LCLAT1: variants seen among roughly 807,000 people sequenced by gnomAD.
The protein encoded by LCLAT1 is 1-AGP acyltransferase 8.
Under a neutral mutation model 30.7 loss-of-function variants are expected in LCLAT1, and 11 were observed. The ratio of observed to expected loss-of-function variants is 0.36; its 90% CI spans 0.23 to 0.59. The LOEUF is 0.59. LCLAT1 is among the 20% of genes least tolerant of loss of function. The pLI is 0.77. For missense variants in LCLAT1, 402 were observed against 458.6 expected, an observed-to-expected ratio of 0.88 and a Z score of 1.13; for synonymous variants, 155 against 151.3, an observed-to-expected ratio of 1.02 and a Z score of -0.18.
chr2:30,570,502 G>T (rs1201919237), intron 5 of LCLAT1, among the ~76,000 whole-genome samples: 2 of 152,148 alleles, frequency 1.3e-5, no homozygotes, highest in African/African-American at 4.8e-5. Context: ...GTACATGGTA[G>T]TTATAAATAT....
intron 1 of LCLAT1, among the ~76,000 whole-genome samples, chr2:30,480,933 AGAGCCATAAAC>A (rs1290179753): frequency 6.6e-6 from 1 of 152,246 alleles, no homozygotes; most frequent in Non-Finnish European, 1.5e-5. Context: ...GGCTGTAATG[AGAGCCATAAAC>A]GAAGCACTCA....
intron 5 of LCLAT1, among the ~76,000 whole-genome samples, chr2:30,618,836 TA>T (rs1268468482): frequency 6.6e-6 from 1 of 152,220 alleles, no homozygotes; most frequent in Non-Finnish European, 1.5e-5. Context: ...TGTAGACCCC[TA>T]AGGATTCTCT....
In LCLAT1 at chr2:30,533,342, G is replaced by A. The variant is rs758584712; in HGVS notation, c.364+28G>A. On this transcript the variant is annotated intron_variant, in intron 3 of 5. Transcript: ENST00000379509. ...AGGTTATTCACACATTATTTTAAGT[G>A]GTTCATTCATTTTAGATGTAATGCA... The A allele has an allele frequency of 1.1e-5, 18 of 1,583,610 alleles. No individual in the cohort carries two copies. In the South Asian group the frequency reaches 2.0e-4, roughly 18 times the overall value.
intron 5 of LCLAT1, among the ~76,000 whole-genome samples, chr2:30,568,530 T>C: frequency 7.6e-6 from 1 of 131,892 alleles, no homozygotes; most frequent in Non-Finnish European, 1.6e-5. Context: ...TTTTTTGAGA[T>C]GGAGTCTTGC....
At chr2:30,484,570 T>C (rs970431462) in intron 1 of LCLAT1, among the ~76,000 whole-genome samples, 1 of 152,190 alleles carries the variant, frequency 6.6e-6, no homozygotes, top group Non-Finnish European at 1.5e-5. Context: ...AGAAAAGTAC[T>C]GTGGGCAAGA....
intron 5 of LCLAT1, among the ~76,000 whole-genome samples, chr2:30,568,412 CTA>C (rs1665604686): frequency 6.7e-6 from 1 of 148,354 alleles, no homozygotes; most frequent in African/African-American, 2.5e-5. Context: ...AGACATAACT[CTA>C]TATTACATAT....
chr2:30,496,965 T>C (rs1260628492), intron 1 of LCLAT1, among the ~76,000 whole-genome samples: 1 of 152,264 alleles, frequency 6.6e-6, no homozygotes, highest in Non-Finnish European at 1.5e-5. Context: ...ACTCTTGTTA[T>C]AGCTTTCATA....
intron 1 of LCLAT1, among the ~76,000 whole-genome samples, chr2:30,480,375 T>C (rs973921755): frequency 6.6e-6 from 1 of 151,998 alleles, no homozygotes; most frequent in East Asian, 1.9e-4. Context: ...ATTTTTTCTT[T>C]GTAGAAATGG....
At chr2:30,497,717 T>C (rs922595786) in intron 1 of LCLAT1, among the ~76,000 whole-genome samples, 2 of 152,208 alleles carry the variant, frequency 1.3e-5, no homozygotes, top group African/African-American at 4.8e-5. Context: ...AGCTTTGCTT[T>C]GTTGGTCTTC....
chr2:30,506,081 C>T (rs1684644775), intron 1 of LCLAT1, among the ~76,000 whole-genome samples: 1 of 152,104 alleles, frequency 6.6e-6, no homozygotes, highest in African/African-American at 2.4e-5. Context: ...CCATTCTGCT[C>T]TTTAACTGTC....
intron 1 of LCLAT1, among the ~76,000 whole-genome samples, chr2:30,453,947 CA>C (rs1315897249): frequency 6.6e-6 from 1 of 152,084 alleles, no homozygotes; most frequent in Non-Finnish European, 1.5e-5. Context: ...AACAGAAGCC[CA>C]AAGAAGGTAC....
At chr2:30,539,456 C>A (rs1664013232) in intron 3 of LCLAT1, among the ~76,000 whole-genome samples, 1 of 151,942 alleles carries the variant, frequency 6.6e-6, no homozygotes, top group East Asian at 1.9e-4. Context: ...TAGAGCCAAG[C>A]ATGTTTAGTC....
In LCLAT1 at chr2:30,525,855, G is replaced by A. The variant is rs1228932961; in HGVS notation, c.165+100G>A. On this transcript the variant is annotated intron_variant, in intron 2 of 5. Coordinates refer to ENST00000379509, the MANE Select transcript of LCLAT1 (RefSeq NM_001002257.3). The stretch of plus-strand genomic sequence containing the variant: ...GGATGTTCAAGTCCCTACAGTATTT[G>A]CACATATCCTAGGCACATCCTTCTG... 3.0e-6 allele frequency: 3 copies of A among 986,332 alleles called. No individual in the cohort carries two copies. The African/African-American group carries it at 4.9e-5, about 16-fold the overall frequency. The allele number at this position is 986,332 out of a possible 1,614,324, so 61.1% of individuals were successfully genotyped here.
chr2:30,597,343 T>C lies in LCLAT1; in HGVS notation c.628+29167T>C, dbSNP rs999906480. ...TTGAGCAGTGATTTGTAGTTCTCCT[T>C]GAAGTGATCCTTTACTTCCCTCGCT... On this transcript the variant is annotated intron_variant, in intron 5 of 5. Coordinates refer to ENST00000379509, the MANE Select transcript of LCLAT1 (RefSeq NM_001002257.3). Among the ~76,000 whole-genome samples the C allele has an allele frequency of 2.0e-4, 30 of 152,158 alleles. 1 individual carries two copies. The highest frequency in any genetic ancestry group is 8.8e-5 in the Non-Finnish European group (6 of 68,036).
At chr2:30,456,324 A>C (rs1681833717) in intron 1 of LCLAT1, among the ~76,000 whole-genome samples, 4 of 152,172 alleles carry the variant, frequency 2.6e-5, no homozygotes, top group African/African-American at 9.7e-5. Flanking sequence ...AGTGGGGATG[A>C]GAAGGAGTGT....
intron 5 of LCLAT1, among the ~76,000 whole-genome samples, chr2:30,620,886 C>T (rs1668214149): frequency 1.3e-5 from 2 of 152,150 alleles, no homozygotes; most frequent in African/African-American, 4.8e-5. Context: ...TTGCCTTTTC[C>T]AGCTTCTAGC....
chr2:30,451,786 A>G (rs1681561689), intron 1 of LCLAT1, among the ~76,000 whole-genome samples: 1 of 136,648 alleles, frequency 7.3e-6, no homozygotes, highest in Non-Finnish European at 1.6e-5. Flanking sequence ...GTACATCAGC[A>G]GTAGAATGGA....
chr2:30,640,212 G>A lies in LCLAT1; in HGVS notation c.724G>A (p.Glu242Lys). The stretch of plus-strand genomic sequence containing the variant: ...CCTCCTCCAAGGAGACTTTCCCAGG[G>A]AAATCCACTTTCACGTCCACCGGTA... The part of the protein sequence containing the change: ...KHLLQGDFPR[E>K]IHFHVHRYPI... The change falls in exon 6 of 6, where the codon GAA (glutamate) becomes AAA (lysine). Residue 242 changes from glutamate (E) to lysine (K), a missense_variant. By Grantham distance (56) the Glu-to-Lys change is moderately conservative. Transcript: ENST00000379509. 1 of 1,614,054 alleles carries A rather than the reference G, an allele frequency of 6.2e-7. No individual in the cohort carries two copies. The highest frequency in any genetic ancestry group is 8.5e-7 in the Non-Finnish European group (1 of 1,179,948).
intron 3 of LCLAT1, among the ~76,000 whole-genome samples, chr2:30,543,013 AGT>A (rs1452006897): frequency 1.3e-5 from 2 of 149,358 alleles, no homozygotes; most frequent in Non-Finnish European, 3.0e-5. Flanking sequence ...GTTAAGTAGA[AGT>A]GTTGAGGGCA....
Sources: gnomAD v4.1 joint callset for allele counts (sites outside exome capture counted in the v4.1 genomes callset) on GRCh38, gnomAD v4.1.1 for gene constraint, MANE v1.5 for transcripts, NCBI Gene and HGNC (gene_info 2026-07-23, HGNC 2026-07-21) for gene names.